JCAD: variants seen among roughly 807,000 people sequenced by gnomAD.
JCAD encodes junctional cadherin 5 associated.
JCAD carries 40 observed loss-of-function variants against 98.0 expected under a neutral mutation model. That is an observed-to-expected ratio of 0.41 (90% CI 0.32 to 0.53). The LOEUF (loss-of-function observed/expected upper bound fraction) is 0.53. Among genes scored for constraint, JCAD ranks in the 20% least tolerant of loss-of-function variants. JCAD has a pLI of 0.31. For synonymous variants in JCAD, 691 were observed against 682.3 expected (o/e 1.01, Z -0.20); for missense variants, 1,705 against 1,738.1 (o/e 0.98, Z 0.34).
At chr10:30,055,855 C>A (rs1369530868) in intron 1 of JCAD, among the ~76,000 whole-genome samples, 1 of 152,200 alleles carries the variant, frequency 6.6e-6, no homozygotes, top group Non-Finnish European at 1.5e-5. Context: ...AAGTCCCCAA[C>A]ATTATGCACT....
chr10:30,085,933 T>A (rs776479506), intron 1 of JCAD, among the ~76,000 whole-genome samples: 5 of 152,196 alleles, frequency 3.3e-5, no homozygotes, highest in Admixed American at 6.5e-5. Context: ...AGTCTATTTG[T>A]TTAATGAACT....
At position 30,026,943 on chromosome 10, in the gene JCAD, C is replaced by T; in HGVS notation, c.3205G>A (p.Gly1069Ser). Residue 1069 changes from glycine (G) to serine (S), a missense_variant, in exon 3 of 4, where the codon GGT (glycine) becomes AGT (serine). Physicochemically the swap from Gly to Ser is moderately conservative, Grantham distance 56. Around this residue, in one of 3 missense-constraint regions of JCAD, gnomAD observed 1,278 missense variants for 1,243.1 expected, o/e 1.03. Transcript: ENST00000375377. ...QGASELEGSL[G>S]EASTIEIPPG... ...GGGATTTCTATTGTGCTTGCTTCAC[C>T]CAAAGACCCCTCTAGCTCACTGGCA... is the stretch of plus-strand genomic sequence containing the variant. The T allele has an allele frequency of 6.2e-7, 1 of 1,614,130 alleles. No homozygotes were observed. The highest frequency in any genetic ancestry group is 8.5e-7 in the Non-Finnish European group (1 of 1,180,010).
At chr10:30,084,822 TATC>T (rs1838142213) in intron 1 of JCAD, among the ~76,000 whole-genome samples, 1 of 151,992 alleles carries the variant, frequency 6.6e-6, no homozygotes, top group South Asian at 2.1e-4. Flanking sequence ...TCTATCTATC[TATC>T]TATCTGTGTA....
At chr10:30,089,552 T>TG (rs1838226352) in intron 1 of JCAD, among the ~76,000 whole-genome samples, 2 of 106,060 alleles carry the variant, frequency 1.9e-5, no homozygotes, top group Non-Finnish European at 3.6e-5. Flanking sequence ...GTGTGTGTGT[T>TG]TGCTACTAAT....
At chr10:30,033,949 T>C (rs2066333) in intron 2 of JCAD, among the ~76,000 whole-genome samples, 71,857 of 152,028 alleles carry the variant, frequency 0.47, 17,300 homozygotes, top group African/African-American at 0.56. Flanking sequence ...CAAGGCCGGG[T>C]GCAGTGGCTC....
At chr10:30,025,265 C>T (rs1836765206) in intron 3 of JCAD, among the ~76,000 whole-genome samples, 1 of 151,748 alleles carries the variant, frequency 6.6e-6, no homozygotes, top group South Asian at 2.1e-4. Flanking sequence ...CGCCTGTAAT[C>T]CTGGCACTTT....
At chr10:30,085,357 A>G (rs1838151389) in intron 1 of JCAD, among the ~76,000 whole-genome samples, 1 of 152,322 alleles carries the variant, frequency 6.6e-6, no homozygotes, top group South Asian at 2.1e-4. Flanking sequence ...CGTTCTTACC[A>G]TGAGATTCCT....
chr10:30,074,955 G>A (rs1476095273), intron 1 of JCAD, among the ~76,000 whole-genome samples: 1 of 152,098 alleles, frequency 6.6e-6, no homozygotes, highest in African/African-American at 2.4e-5. Context: ...GCCATGTGTG[G>A]CTAATTTTTT....
intron 1 of JCAD, among the ~76,000 whole-genome samples, chr10:30,090,842 A>G (rs1033494767): frequency 3.3e-5 from 5 of 152,156 alleles, no homozygotes; most frequent in African/African-American, 9.7e-5. Flanking sequence ...GATAAATAAG[A>G]TGGGGGGCAA....
chr10:30,086,210 A>T (rs1838164692), intron 1 of JCAD, among the ~76,000 whole-genome samples: 1 of 152,250 alleles, frequency 6.6e-6, no homozygotes. Context: ...ACTATCTTAA[A>T]AAAAATCTAG....
At chr10:30,046,590 C>T (rs1253685921) in intron 2 of JCAD, among the ~76,000 whole-genome samples, 3 of 152,238 alleles carry the variant, frequency 2.0e-5, no homozygotes, top group South Asian at 2.1e-4. Flanking sequence ...TGAATGGGTG[C>T]GTGGTTGTGA....
intron 1 of JCAD, among the ~76,000 whole-genome samples, chr10:30,080,436 C>T (rs1298881612): frequency 1.3e-5 from 2 of 152,186 alleles, no homozygotes; most frequent in Non-Finnish European, 2.9e-5. Flanking sequence ...TATATTCCTG[C>T]AATTTTGGCA....
At chr10:30,078,323 T>C (rs967787863) in intron 1 of JCAD, among the ~76,000 whole-genome samples, 1 of 152,172 alleles carries the variant, frequency 6.6e-6, no homozygotes, top group African/African-American at 2.4e-5. Context: ...CACAGACTGA[T>C]TGGAATTGAA....
rs553861364 is a variant in JCAD at position 30,081,320 on chromosome 10, A to G, written n.129-11499T>C. ...TACAAAGGGCAGAAACCCAGTTTGA[A>G]CTATCTTGGTCAATTTATCTTGGAA... On this transcript the variant is annotated intron_variant and non_coding_transcript_variant, in intron 1 of 2. Transcript: ENST00000465712. 7.2e-5 allele frequency among the ~76,000 whole-genome samples: 11 copies of G among 152,366 alleles called. No individual in the cohort carries two copies. In the South Asian group the frequency reaches 2.3e-3, roughly 32 times the overall value.
At chr10:30,102,930 A>C (rs1252635136) in intron 1 of JCAD, among the ~76,000 whole-genome samples, 1 of 152,160 alleles carries the variant, frequency 6.6e-6, no homozygotes, top group Non-Finnish European at 1.5e-5. Flanking sequence ...AGACCTCATG[A>C]GACTTATTCA....
upstream of JCAD, among the ~76,000 whole-genome samples, chr10:30,062,442 G>T (rs1181346256): frequency 6.6e-6 from 1 of 152,212 alleles, no homozygotes; most frequent in Non-Finnish European, 1.5e-5. Context: ...GAAGATGGTG[G>T]TGAGGCTGTG....
intron 1 of JCAD, among the ~76,000 whole-genome samples, chr10:30,113,800 C>T (rs965912488): frequency 1.3e-5 from 2 of 152,102 alleles, no homozygotes; most frequent in Non-Finnish European, 2.9e-5. Flanking sequence ...GCACACTGCT[C>T]CTCCTGGCCA....
intron 1 of JCAD, among the ~76,000 whole-genome samples, chr10:30,090,769 A>G (rs901481401): frequency 3.9e-5 from 6 of 152,132 alleles, no homozygotes; most frequent in Non-Finnish European, 5.9e-5. Context: ...CCCAAGGTGG[A>G]AGGATTGGTC....
At position 30,015,798 on chromosome 10, in the gene JCAD, G is replaced by A. The variant is rs1836519438; in HGVS notation, c.*2085C>T. 6.6e-6 allele frequency: 1 copy of A among 152,140 alleles called. No individual in the cohort carries two copies. The highest frequency in any genetic ancestry group is 2.1e-4 in the South Asian group (1 of 4,822). The allele number at this position is 152,140 out of a possible 1,614,324, so 9.4% of individuals were successfully genotyped here. A position where few individuals can be genotyped will look rare whatever the true frequency, so the allele number is the denominator to read the frequency against. ...TGCATACATGTACGAGTATACATGT[G>A]CACGTATATAAATGTATATACACAT... is the stretch of plus-strand genomic sequence containing the variant. On this transcript the variant is annotated 3_prime_UTR_variant, in exon 4 of 4. Transcript: ENST00000375377.
Sources: allele counts gnomAD v4.1 joint callset (sites outside exome capture counted in the v4.1 genomes callset), GRCh38; gene constraint gnomAD v4.1.1; regional missense constraint gnomAD v4.1.1; transcripts MANE v1.5; gene names NCBI Gene and HGNC (gene_info 2026-07-23, HGNC 2026-07-21).